Variants in KCNN3 observed in about 807,000 individuals in gnomAD.
KCNN3 encodes small conductance calcium-activated potassium channel protein 3.
In KCNN3, 16 loss-of-function variants were observed where a neutral mutation model predicts 62.9. The ratio of observed to expected loss-of-function variants is 0.25; its 90% CI spans 0.17 to 0.39. The LOEUF is 0.39. Ranked by LOEUF, KCNN3 falls within the 10% of genes least tolerant of loss-of-function variation. The pLI is 1.00. For missense variants in KCNN3, 599 were observed against 949.4 expected, an observed-to-expected ratio of 0.63 and a Z score of 4.85; for synonymous variants, 370 against 389.2, an observed-to-expected ratio of 0.95 and a Z score of 0.58.
At chr1:154,794,703 T>C (rs891350544) in intron 2 of KCNN3, among the ~76,000 whole-genome samples, 1 of 152,164 alleles carries the variant, frequency 6.6e-6, no homozygotes, top group African/African-American at 2.4e-5. Context: ...GGAGGGCTCA[T>C]TCACAGAGGT....
intron 7 of KCNN3, among the ~76,000 whole-genome samples, chr1:154,712,326 C>T (rs1023948517): frequency 4.6e-5 from 7 of 151,998 alleles, no homozygotes; most frequent in Non-Finnish European, 8.8e-5. Flanking sequence ...CCTGCATGCC[C>T]ACGTTCCACT....
At chr1:154,844,277 C>A (rs1477616492) in intron 1 of KCNN3, among the ~76,000 whole-genome samples, 2 of 152,206 alleles carry the variant, frequency 1.3e-5, no homozygotes, top group Non-Finnish European at 2.9e-5. Context: ...AATTTTGCTA[C>A]CTTTAATGGA....
intron 2 of KCNN3, among the ~76,000 whole-genome samples, chr1:154,808,008 A>T (rs1402100701): frequency 2.0e-5 from 3 of 152,084 alleles, no homozygotes; most frequent in Admixed American, 1.3e-4. Context: ...TTCAACCTGT[A>T]CCATAATCTA....
At chr1:154,814,765 C>A (rs1650587345) in intron 2 of KCNN3, among the ~76,000 whole-genome samples, 1 of 152,244 alleles carries the variant, frequency 6.6e-6, no homozygotes, top group South Asian at 2.1e-4. Flanking sequence ...GTTCTGACTT[C>A]TCGGGCCCAG....
At chr1:154,746,444 G>T (rs1393473374) in intron 3 of KCNN3, among the ~76,000 whole-genome samples, 3 of 152,092 alleles carry the variant, frequency 2.0e-5, no homozygotes, top group African/African-American at 7.2e-5. Context: ...GCCAGTGCTG[G>T]GGTTTAATAA....
At chr1:154,746,495 G>A (rs1276971364) in intron 3 of KCNN3, among the ~76,000 whole-genome samples, 1 of 152,164 alleles carries the variant, frequency 6.6e-6, no homozygotes, top group Non-Finnish European at 1.5e-5. Flanking sequence ...GGCCTGCACT[G>A]TTACTCTTGC....
intron 7 of KCNN3, 115 bp from the exon 8 acceptor site, chr1:154,708,387 C>A: frequency 1.9e-6 from 2 of 1,036,092 alleles, no homozygotes; most frequent in Non-Finnish European, 3.0e-6. Flanking sequence ...TCCACACCAG[C>A]TGATCTGGTC....
intron 4 of KCNN3, among the ~76,000 whole-genome samples, chr1:154,729,867 C>T (rs1700552730): frequency 6.6e-6 from 1 of 152,224 alleles, no homozygotes; most frequent in African/African-American, 2.4e-5. Flanking sequence ...CTTGGCAGTT[C>T]AGAGGCATCT....
At chr1:154,731,523 C>T (rs944681074) in intron 4 of KCNN3, among the ~76,000 whole-genome samples, 12 of 152,304 alleles carry the variant, frequency 7.9e-5, no homozygotes, top group East Asian at 7.7e-4. Context: ...GCCAACAAGA[C>T]GGAGTGGGGT....
At chr1:154,805,149 G>A (rs965540217) in intron 2 of KCNN3, among the ~76,000 whole-genome samples, 1 of 152,168 alleles carries the variant, frequency 6.6e-6, no homozygotes, top group African/African-American at 2.4e-5. Flanking sequence ...GTGAGGCGGT[G>A]AAGAGGAAAC....
intron 2 of KCNN3, among the ~76,000 whole-genome samples, chr1:154,799,566 C>T (rs370519778): frequency 5.3e-5 from 8 of 152,200 alleles, no homozygotes; most frequent in African/African-American, 1.9e-4. Context: ...AGTGAAGCCA[C>T]CAGGGTTGTG....
intron 7 of KCNN3, among the ~76,000 whole-genome samples, chr1:154,709,344 G>A (rs540136885): frequency 5.3e-5 from 8 of 152,212 alleles, no homozygotes; most frequent in South Asian, 2.1e-4. Flanking sequence ...GGGCCAGGCC[G>A]GTGGTTGCTT....
At chr1:154,851,764 G>A (rs558704036) in intron 1 of KCNN3, among the ~76,000 whole-genome samples, 4 of 152,204 alleles carry the variant, frequency 2.6e-5, no homozygotes, top group South Asian at 4.2e-4. Context: ...GCCTCTCAGC[G>A]GGGCTCCCTG....
At chr1:154,850,182 C>A (rs926185872) in intron 1 of KCNN3, among the ~76,000 whole-genome samples, 3 of 152,224 alleles carry the variant, frequency 2.0e-5, no homozygotes, top group Admixed American at 1.3e-4. Context: ...TTATGTTGGG[C>A]ATGTGTCAAG....
At position 154,727,128 on chromosome 1, in the gene KCNN3, T is replaced by C. The variant is rs536974498; in HGVS notation, c.1591-1102A>G. On this transcript the variant is annotated intron_variant, in intron 4 of 7. Coordinates refer to ENST00000271915, the MANE Select transcript of KCNN3 (RefSeq NM_002249.6). ...CAGCTCCATCCTTCTGCAAGCGGAC[T>C]CCCGTCAGAGACCATCGCCCTCTGC... Among the ~76,000 whole-genome samples, 76 of 152,342 alleles carry C rather than the reference T, an allele frequency of 5.0e-4. 2 individuals carry two copies. In the South Asian group the frequency reaches 0.013, roughly 26 times the overall value.
intron 3 of KCNN3, among the ~76,000 whole-genome samples, chr1:154,760,966 T>C (rs1647983213): frequency 6.6e-6 from 1 of 152,232 alleles, no homozygotes; most frequent in African/African-American, 2.4e-5. Context: ...TTGCGCTTGT[T>C]AGAGAAAATT....
At chr1:154,771,004 C>G (rs956635042) in intron 3 of KCNN3, among the ~76,000 whole-genome samples, 11 of 151,816 alleles carry the variant, frequency 7.2e-5, no homozygotes, top group Admixed American at 4.6e-4. Context: ...TTGCAGTGAG[C>G]AGAGACTATG....
rs1699976407 is a variant in KCNN3 at position 154,706,968 on chromosome 1, T to C, written c.*1008A>G. The C allele has an allele frequency of 6.6e-6, 1 of 152,238 alleles. No homozygotes were observed. The highest frequency in any genetic ancestry group is 6.5e-5 in the Admixed American group (1 of 15,286). The allele number at this position is 152,238 out of a possible 1,614,324, so 9.4% of individuals were successfully genotyped here. ...ACACTTACAGACATACACCTGGTCA[T>C]GTGGACCATCGAAACACAACTTGTT... On this transcript the variant is annotated 3_prime_UTR_variant, in exon 8 of 8. Transcript: ENST00000271915.
At chr1:154,829,358 C>G (rs1227644738) in intron 1 of KCNN3, among the ~76,000 whole-genome samples, 1 of 152,240 alleles carries the variant, frequency 6.6e-6, no homozygotes, top group African/African-American at 2.4e-5. Context: ...AGAGGCCAAG[C>G]TCCAGGAACC....
Sources: allele counts gnomAD v4.1 joint callset (sites outside exome capture counted in the v4.1 genomes callset), GRCh38; gene constraint gnomAD v4.1.1; transcripts MANE v1.5; gene names NCBI Gene and HGNC (gene_info 2026-07-23, HGNC 2026-07-21).